Variants in CENPP observed in about 807,000 individuals in gnomAD.
CENPP encodes the protein centromere protein P.
A neutral mutation model predicts 35.6 loss-of-function variants in CENPP; 24 were observed. The ratio of observed to expected loss-of-function variants is 0.67; its 90% confidence interval spans 0.49 to 0.95. The LOEUF is 0.95. Ranked by LOEUF, CENPP falls within the 40% of genes least tolerant of loss-of-function variation. The probability of loss-of-function intolerance (pLI) is 0.00; values close to 1 mark genes in which losing one functional copy is unlikely to be tolerated. For synonymous variants in CENPP, 120 were observed against 125.5 expected (o/e 0.96, Z 0.29); for missense variants, 332 against 345.3 (o/e 0.96, Z 0.31).
At position 92,617,931 on chromosome 9, in the gene CENPP, G is replaced by T. The variant is rs1181591680; in HGVS notation, c.*4782G>T. 4 of 281,432 alleles carry T rather than the reference G, an allele frequency of 1.4e-5. No homozygotes were observed. Among genetic ancestry groups the T allele is most frequent in the Non-Finnish European group, 2.8e-5 (4 of 142,764 alleles). The allele number at this position is 281,432 out of a possible 1,614,324, so 17.4% of individuals were successfully genotyped here. A position where few individuals can be genotyped will look rare whatever the true frequency, so the allele number is the denominator to read the frequency against. ...AGAGCTGGAGAAGCCTTTATTTTAG[G>T]GGGTGTAAGAAGTTTAAATGTGGTC... On this transcript the variant is annotated 3_prime_UTR_variant, in exon 8 of 8. Transcript: ENST00000375587.
At chr9:92,334,491 T>C (rs1252823640) in intron 2 of CENPP, among the ~76,000 whole-genome samples, 1 of 152,220 alleles carries the variant, frequency 6.6e-6, no homozygotes, top group African/African-American at 2.4e-5. Context: ...GTTAAAAATA[T>C]GTAGATGGGC....
At chr9:92,444,183 A>G (rs1199774890) in intron 5 of CENPP, among the ~76,000 whole-genome samples, 4 of 152,186 alleles carry the variant, frequency 2.6e-5, no homozygotes, top group African/African-American at 9.6e-5. Context: ...TCAAATTATA[A>G]TCATAGCATA....
chr9:92,617,408 C>G lies in CENPP; in HGVS notation c.*4259C>G, dbSNP rs544984962. 1 of 152,448 alleles carries G rather than the reference C, an allele frequency of 6.6e-6. No homozygotes were observed. Among genetic ancestry groups the G allele is most frequent in the African/African-American group, 2.4e-5 (1 of 41,592 alleles). The allele number at this position is 152,448 out of a possible 1,614,324, so 9.4% of individuals were successfully genotyped here. A position where few individuals can be genotyped will look rare whatever the true frequency, so the allele number is the denominator to read the frequency against. On this transcript the variant is annotated 3_prime_UTR_variant, in exon 8 of 8. Coordinates refer to ENST00000375587, the MANE Select transcript of CENPP (RefSeq NM_001012267.3). ...GTTCCAGGCAGCTCCCGGGGAGGGT[C>G]TGACTACCTGGGTCAACCACAAGCT...
intron 5 of CENPP, chr9:92,464,788 T>C (rs1845244211): frequency 1.3e-6 from 1 of 761,056 alleles, no homozygotes; most frequent in Admixed American, 1.9e-5. Flanking sequence ...GTGTAGACTA[T>C]ATTGACCAGA....
intron 5 of CENPP, among the ~76,000 whole-genome samples, chr9:92,542,737 G>C (rs185287376): frequency 3.3e-5 from 5 of 152,176 alleles, no homozygotes; most frequent in African/African-American, 1.2e-4. Context: ...GGATTGTCTT[G>C]ATCTGACCTC....
chr9:92,594,115 A>T (rs990913983), intron 5 of CENPP, among the ~76,000 whole-genome samples: 2 of 152,252 alleles, frequency 1.3e-5, no homozygotes, highest in African/African-American at 2.4e-5. Context: ...GGGATATGTA[A>T]GGACTCTGTA....
rs1844543124 is a variant in CENPP at position 92,446,021 on chromosome 9, G to C, written c.564+66162G>C. 8.5e-5 allele frequency among the ~76,000 whole-genome samples: 13 copies of C among 152,204 alleles called. No individual in the cohort carries two copies. In the South Asian group the frequency reaches 2.7e-3, roughly 32 times the overall value. The stretch of plus-strand genomic sequence containing the variant: ...TTTTATTCTTTCTACTTTCGCTTCT[G>C]TCATAAATTCTCCTTGGTAAAAAGG... On this transcript the variant is annotated intron_variant, in intron 5 of 7. Coordinates refer to ENST00000375587, the MANE Select transcript of CENPP (RefSeq NM_001012267.3).
intron 5 of CENPP, chr9:92,403,798 A>G (rs1193371866): frequency 6.4e-6 from 3 of 471,292 alleles, no homozygotes; most frequent in Admixed American, 6.4e-5. Context: ...AAGTCCCAAG[A>G]TCCTGTCTCA....
At chr9:92,455,826 C>A (rs1208455177) in intron 5 of CENPP, among the ~76,000 whole-genome samples, 1 of 152,174 alleles carries the variant, frequency 6.6e-6, no homozygotes, top group Non-Finnish European at 1.5e-5. Flanking sequence ...AATCCCAGCA[C>A]TTTGGGAGGC....
At chr9:92,400,443 C>T (rs1026615605) in intron 5 of CENPP, among the ~76,000 whole-genome samples, 1 of 152,238 alleles carries the variant, frequency 6.6e-6, no homozygotes, top group Non-Finnish European at 1.5e-5. Context: ...GCCACCACGC[C>T]CAGCCTGGGA....
chr9:92,556,800 T>A (rs1337360837), intron 5 of CENPP, among the ~76,000 whole-genome samples: 16 of 152,206 alleles, frequency 1.1e-4, no homozygotes, highest in Admixed American at 1.0e-3. Flanking sequence ...CTGTTGTGTA[T>A]CTTTTAAGTG....
chr9:92,416,068 A>ATATATATATATATATT, intron 5 of CENPP, among the ~76,000 whole-genome samples: 1 of 136,998 alleles, frequency 7.3e-6, no homozygotes. Context: ...GTATATATAT[A>ATATATATATATATATT]TATTTATTTA....
rs1851532797 is a variant in CENPP, at chr9:92,618,893, C to T, written c.*5744C>T. On this transcript the variant is annotated 3_prime_UTR_variant, in exon 8 of 8. Transcript: ENST00000375587. ...CAAATACTGGGTGCAGGGTTTAGCA[C>T]CCCTGAAGATCGGTGATGGAGATGC... The T allele has an allele frequency of 3.1e-6, 1 of 321,914 alleles. No individual in the cohort carries two copies. Among genetic ancestry groups the T allele is most frequent in the Non-Finnish European group, 6.1e-6 (1 of 165,024 alleles). 19.9% of individuals were successfully genotyped at this position (321,914 alleles called of 1,614,324 possible). A position where few individuals can be genotyped will look rare whatever the true frequency, so the allele number is the denominator to read the frequency against.
rs145124842 is a variant in CENPP, at chr9:92,550,678, G to T, written c.565-60636G>T. 1.4e-4 allele frequency among the ~76,000 whole-genome samples: 21 copies of T among 152,164 alleles called. No individual in the cohort carries two copies. In the East Asian group the frequency reaches 4.0e-3, roughly 29 times the overall value. ...GGGTTGAGGCAAGAGTACAAATGAA[G>T]TTTCACATATGATATTCTAAATGTG... On this transcript the variant is annotated intron_variant, in intron 5 of 7. Transcript: ENST00000375587.
At chr9:92,612,421 G>A in intron 6 of CENPP, 102 bp from the exon 7 acceptor site, 1 of 863,692 alleles carries the variant, frequency 1.2e-6, no homozygotes, top group Non-Finnish European at 1.9e-6. Flanking sequence ...TCTAGCAGGG[G>A]AGCCCAGCAT....
intron 5 of CENPP, among the ~76,000 whole-genome samples, chr9:92,390,676 A>C (rs1842641699): frequency 6.6e-6 from 1 of 152,118 alleles, no homozygotes. Context: ...ATGTTCTATA[A>C]AATTACCACA....
intron 3 of CENPP, among the ~76,000 whole-genome samples, chr9:92,344,438 T>C (rs1396756056): frequency 6.6e-6 from 1 of 152,190 alleles, no homozygotes; most frequent in Admixed American, 6.5e-5. Context: ...ATAATTCACA[T>C]ACCATATAAC....
At chr9:92,572,892 G>A (rs192581717) in intron 5 of CENPP, among the ~76,000 whole-genome samples, 6,062 of 152,106 alleles carry the variant, frequency 0.04, 185 homozygotes, top group South Asian at 0.099. Flanking sequence ...CGGCTACTGA[G>A]GCTTGTGCAT....
chr9:92,374,622 C>T (rs944946013), intron 4 of CENPP, among the ~76,000 whole-genome samples: 10 of 152,114 alleles, frequency 6.6e-5, no homozygotes, highest in Non-Finnish European at 1.3e-4. Flanking sequence ...GTTTCTCCCC[C>T]TTATATTGTG....
Sources: allele counts gnomAD v4.1 joint callset (sites outside exome capture counted in the v4.1 genomes callset), GRCh38; gene constraint gnomAD v4.1.1; transcripts MANE v1.5; gene names NCBI Gene and HGNC (gene_info 2026-07-23, HGNC 2026-07-21).